The following USP9X variants were observed in gnomAD, a reference collection of about 807,000 sequenced individuals.
USP9X encodes the protein ubiquitin specific peptidase 9 X-linked.
USP9X carries 7 observed loss-of-function variants against 190.3 expected under a neutral mutation model. The ratio of observed to expected loss-of-function variants is 0.04; its 90% CI spans 0.02 to 0.07. The LOEUF is 0.07. USP9X is among the 10% of genes least tolerant of loss of function. The pLI, the probability that USP9X is intolerant of heterozygous loss-of-function variation, is 1.00. For missense variants in USP9X, 1,010 were observed against 1,916.9 expected (o/e 0.53, Z 8.83); for synonymous variants, 645 against 659.5 (o/e 0.98, Z 0.34).
rs530574416 is a variant in USP9X, at chrX:41,208,433, G to A, written c.5016-2076G>A. On this transcript the variant is annotated intron_variant, in intron 32 of 44. Transcript: ENST00000378308. ...GTTACTCGCTGTGCTAGTGGAGCTC[G>A]GTTTGTATAGACTAGCACTTTGGAT... Among the ~76,000 whole-genome samples, 7 of 111,596 alleles carry A rather than the reference G, an allele frequency of 6.3e-5. No homozygotes were observed. The South Asian group carries it at 2.2e-3, about 36-fold the overall frequency.
Position 41,137,069 on chromosome X carries a change from T to C in USP9X, c.654+47T>C, listed in dbSNP as rs753530041. 16 of 1,079,885 alleles carry C rather than the reference T, an allele frequency of 1.5e-5. No homozygotes were observed. The East Asian group carries it at 5.0e-4, about 34-fold the overall frequency. The allele number at this position is 1,079,885 out of a possible 1,213,427, so 89.0% of individuals were successfully genotyped here. A position where few individuals can be genotyped will look rare whatever the true frequency, so the allele number is the denominator to read the frequency against. On this transcript the variant is annotated intron_variant, in intron 6 of 44. Transcript: ENST00000378308. ...AAAATTAAATAATACAATTGTTTTG[T>C]TCTGACACAGAATCTTCAGTGATCT...
chrX:41,128,200 TA>T (rs1199907132), intron 2 of USP9X, among the ~76,000 whole-genome samples: 1 of 111,788 alleles, frequency 8.9e-6, no homozygotes, highest in Non-Finnish European at 1.9e-5. Context: ...TCCCTTCAAA[TA>T]AAAAACAGAA....
intron 1 of USP9X, among the ~76,000 whole-genome samples, chrX:41,101,618 A>G (rs1308004061): frequency 1.8e-5 from 2 of 110,793 alleles, no homozygotes; most frequent in Non-Finnish European, 3.8e-5. Flanking sequence ...GCCTATAGCA[A>G]AGATCGCACT....
rs2061901749 is a variant in USP9X, at chrX:41,085,503, C to T, written c.-765C>T. The T allele has an allele frequency of 3.0e-5, 5 of 166,390 alleles. No individual in the cohort carries two copies. In the Admixed American group the frequency reaches 4.2e-4, roughly 14 times the overall value. 13.7% of individuals were successfully genotyped at this position (166,390 alleles called of 1,213,427 possible). A position where few individuals can be genotyped will look rare whatever the true frequency, so the allele number is the denominator to read the frequency against. ...CATCCGCGGCTGCGGACGCTAGTCT[C>T]CGCCGCCGCCGGAGCCGCAACCTCT... On this transcript the variant is annotated 5_prime_UTR_variant, in exon 1 of 45. Transcript: ENST00000378308.
intron 4 of USP9X, 27 bp downstream of exon 4, chrX:41,131,563 A>G: frequency 1.8e-6 from 2 of 1,136,329 alleles, no homozygotes; most frequent in Non-Finnish European, 1.2e-6. Flanking sequence ...TATGCTTCCT[A>G]TAATGTATGC....
In USP9X at chrX:41,167,493, G is replaced by A; in HGVS notation, c.2340G>A (p.Gln780=). The part of the protein sequence containing the change: ...GLDYLWRVVI[Q]SNDDIASRAI... ...CATTTTGAAACCAGGTCGTGATTCA[G>A]AGTAATGATGATATTGCCAGCAGAG... The change falls in exon 17 of 45, where the codon CAG becomes CAA. Residue 780 remains glutamine, a synonymous_variant. Transcript: ENST00000378308. The A allele has an allele frequency of 8.3e-7, 1 of 1,204,355 alleles. No individual in the cohort carries two copies. The highest frequency in any genetic ancestry group is 1.1e-6 in the Non-Finnish European group (1 of 891,020).
At chrX:41,152,809 T>C in intron 13 of USP9X, 139 bp from the exon 14 acceptor site, 1 of 595,453 alleles carries the variant, frequency 1.7e-6, no homozygotes. Flanking sequence ...TTGTGATATT[T>C]TCATTAAAAG....
intron 21 of USP9X, among the ~76,000 whole-genome samples, chrX:41,183,562 C>T (rs1309469710): frequency 3.6e-5 from 4 of 111,988 alleles, no homozygotes; most frequent in African/African-American, 1.3e-4. Context: ...GGTTCATTTT[C>T]TTGGATATCA....
At position 41,094,201 on chromosome X, in the gene USP9X, A is replaced by G. The variant is rs1007827895; in HGVS notation, c.-159+8092A>G. Among the ~76,000 whole-genome samples the G allele has an allele frequency of 3.9e-5, 4 of 102,851 alleles. No individual in the cohort carries two copies. In the East Asian group the frequency reaches 9.1e-4, roughly 23 times the overall value. The allele number at this position is 102,851 out of a possible 115,157, so 89.3% of individuals were successfully genotyped here. On this transcript the variant is annotated intron_variant, in intron 1 of 44. Transcript: ENST00000378308. ...TCTTTTTTCTTTTTTTTTGAAATGG[A>G]GTTTCACTCTTGTTGCCCAGGCTAC...
chrX:41,231,353 T>A (rs1047712907), intron 44 of USP9X, among the ~76,000 whole-genome samples: 6 of 112,156 alleles, frequency 5.3e-5, no homozygotes, highest in African/African-American at 1.9e-4. Context: ...TCAGGCATTC[T>A]TTCTTACATT....
At chrX:41,118,048 A>G (rs1317833796) in intron 1 of USP9X, among the ~76,000 whole-genome samples, 1 of 111,055 alleles carries the variant, frequency 9.0e-6, no homozygotes, top group Non-Finnish European at 1.9e-5. Context: ...AGCAGAGACA[A>G]GTTTCACCAT....
At chrX:41,100,159 A>G (rs1241558867) in intron 1 of USP9X, among the ~76,000 whole-genome samples, 1 of 112,215 alleles carries the variant, frequency 8.9e-6, no homozygotes, top group East Asian at 2.8e-4. Flanking sequence ...TGTAAATTAT[A>G]AGTTCAATTT....
chrX:41,187,936 T>C (rs762568247), intron 24 of USP9X, 56 bp from the exon 25 acceptor site: 3 of 1,142,577 alleles, frequency 2.6e-6, no homozygotes, highest in Non-Finnish European at 3.5e-6. Flanking sequence ...TTTGTTTTTC[T>C]AAACATAATT....
intron 1 of USP9X, among the ~76,000 whole-genome samples, chrX:41,086,318 G>C (rs1048061989): frequency 9.0e-6 from 1 of 111,728 alleles, no homozygotes; most frequent in African/African-American, 3.3e-5. Flanking sequence ...GGTGTCCCGA[G>C]AGCGTGTCTG....
chrX:41,214,458 A>G, intron 33 of USP9X, 110 bp from the exon 34 acceptor site: 1 of 765,290 alleles, frequency 1.3e-6, no homozygotes, highest in East Asian at 4.0e-5. Flanking sequence ...CATGTACCCT[A>G]GAACTTAAAG....
chrX:41,153,174 G>A (rs1190564810), intron 14 of USP9X, 93 bp downstream of exon 14: 1 of 947,316 alleles, frequency 1.1e-6, no homozygotes, highest in African/African-American at 2.0e-5. Flanking sequence ...TTCCTTTATG[G>A]ATTTAAGATC....
At chrX:41,201,318 AGTTAT>A (rs2063039719) in intron 31 of USP9X, 38 bp downstream of exon 31, 1 of 1,097,300 alleles carries the variant, frequency 9.1e-7, no homozygotes, top group African/African-American at 1.8e-5. Context: ...CTGTGTTTCA[AGTTAT>A]GATACCAGAT....
intron 1 of USP9X, among the ~76,000 whole-genome samples, chrX:41,113,324 C>T (rs1223950349): frequency 9.0e-6 from 1 of 110,922 alleles, no homozygotes; most frequent in Non-Finnish European, 1.9e-5. Flanking sequence ...CCTCAGCCTC[C>T]CGAGTAGCTG....
At chrX:41,121,720 T>G (rs1318463798) in intron 1 of USP9X, among the ~76,000 whole-genome samples, 1 of 111,235 alleles carries the variant, frequency 9.0e-6, no homozygotes, top group Middle Eastern at 4.2e-3. Flanking sequence ...TGGGGGAGAT[T>G]TTTTGCAAAG....
Sources: gnomAD v4.1 joint callset for allele counts (sites outside exome capture counted in the v4.1 genomes callset) on GRCh38, gnomAD v4.1.1 for gene constraint, MANE v1.5 for transcripts, NCBI Gene and HGNC (gene_info 2026-07-23, HGNC 2026-07-21) for gene names.